The following UNC13B variants were observed in gnomAD, a reference collection of about 807,000 sequenced individuals.
UNC13B encodes the protein unc-13 homolog B, also known as protein unc-13 homolog B.
UNC13B carries 144 observed loss-of-function variants against 211.0 expected under a neutral mutation model. That is an observed-to-expected ratio of 0.68 (90% CI 0.60 to 0.78). UNC13B has a LOEUF of 0.78. Among genes scored for constraint, UNC13B ranks in the 30% least tolerant of loss-of-function variants. The pLI is 0.00. For synonymous variants in UNC13B, 709 were observed against 725.8 expected (o/e 0.98, Z 0.37); for missense variants, 1,777 against 2,002.0 (o/e 0.89, Z 2.14).
chr9:35,403,298 A>G, intron 38 of UNC13B, 39 bp downstream of exon 38: 1 of 1,609,568 alleles, frequency 6.2e-7, no homozygotes, highest in Non-Finnish European at 8.5e-7. Context: ...TTCCTTGCCC[A>G]GTGGCCTCAC....
At chr9:35,185,346 T>C (rs991517654) in intron 1 of UNC13B, among the ~76,000 whole-genome samples, 2 of 152,226 alleles carry the variant, frequency 1.3e-5, no homozygotes, top group Non-Finnish European at 2.9e-5. Context: ...TCCTGCTTCC[T>C]CCTAGAGTAT....
chr9:35,348,443 C>T (rs1564154364), intron 11 of UNC13B, among the ~76,000 whole-genome samples: 1 of 152,190 alleles, frequency 6.6e-6, no homozygotes, highest in Non-Finnish European at 1.5e-5. Context: ...AAAAAGAAAA[C>T]TTCTAGGAGA....
At chr9:35,206,839 A>G (rs1237273557) in intron 1 of UNC13B, among the ~76,000 whole-genome samples, 1 of 145,750 alleles carries the variant, frequency 6.9e-6, no homozygotes, top group Non-Finnish European at 1.5e-5. Flanking sequence ...GCGCCACTGC[A>G]CTCCAGCCTG....
intron 11 of UNC13B, among the ~76,000 whole-genome samples, chr9:35,328,145 C>T (rs142370524): frequency 2.0e-4 from 30 of 152,192 alleles, no homozygotes; most frequent in African/African-American, 6.7e-4. Flanking sequence ...CTCAGCCTCC[C>T]GAGTAGCTGG....
intron 1 of UNC13B, among the ~76,000 whole-genome samples, chr9:35,193,657 CAAAAAAA>C (rs748105027): frequency 5.3e-5 from 3 of 56,184 alleles, no homozygotes; most frequent in Non-Finnish European, 8.2e-5. Context: ...GACTCCGTCT[CAAAAAAA>C]AAAAAAAAAA....
At chr9:35,382,604 C>T (rs1249800863) in intron 21 of UNC13B, 97 bp downstream of exon 21, 28 of 1,437,442 alleles carry the variant, frequency 1.9e-5, no homozygotes. Context: ...GCTCTGTTGC[C>T]CAGGCTGGAG....
intron 11 of UNC13B, among the ~76,000 whole-genome samples, chr9:35,348,431 T>C (rs1832506580): frequency 6.6e-6 from 1 of 152,184 alleles, no homozygotes; most frequent in African/African-American, 2.4e-5. Context: ...TCTCCTTACC[T>C]TAAAAAGAAA....
rs1354252316 is a variant in UNC13B at position 35,302,130 on chromosome 9, TAACCACTG to T, written c.2728_2735del (p.Thr910Ter). ...GACCAGAGTTTACGTGGCTCAGCAG[TAACCACTG>T]ATGAGGAGAGCAAAAAAAATTGCCA... On this transcript the variant is annotated frameshift_variant, in exon 9 of 40. Coordinates refer to ENST00000635942, the MANE Select transcript of UNC13B (RefSeq NM_001371189.2). LOFTEE classifies it high-confidence loss of function. The T allele has an allele frequency of 7.5e-6, 3 of 398,616 alleles. No individual in the cohort carries two copies. Among genetic ancestry groups the T allele is most frequent in the Admixed American group, 4.4e-5 (1 of 22,696 alleles). The allele number at this position is 398,616 out of a possible 1,614,324, so 24.7% of individuals were successfully genotyped here.
At chr9:35,331,089 C>T (rs1831342265) in intron 11 of UNC13B, among the ~76,000 whole-genome samples, 1 of 152,174 alleles carries the variant, frequency 6.6e-6, no homozygotes, top group Admixed American at 6.5e-5. Flanking sequence ...TCACTCTTTA[C>T]CACCACCTTC....
intron 7 of UNC13B, among the ~76,000 whole-genome samples, chr9:35,285,587 C>T (rs1477660349): frequency 1.3e-5 from 2 of 152,130 alleles, no homozygotes; most frequent in African/African-American, 2.4e-5. Context: ...TGTGATGGCA[C>T]GTGCCTGTAG....
chr9:35,164,080 G>A (rs200945167), intron 1 of UNC13B, among the ~76,000 whole-genome samples: 2 of 152,040 alleles, frequency 1.3e-5, no homozygotes, highest in East Asian at 3.9e-4. Context: ...GCAGTGCTGC[G>A]ATCTTGGCTC....
In UNC13B at chr9:35,382,474, T is replaced by A. The variant is rs749140619; in HGVS notation, c.10773T>A (p.Ser3591=). Residue 3591 remains serine (S), a synonymous_variant, in exon 21 of 40, where the codon TCT becomes TCA. Coordinates refer to ENST00000635942, the MANE Select transcript of UNC13B (RefSeq NM_001371189.2). ...ACACAACTGCCTCTACCAATGTCTC[T>A]GCATCTGATCGCTTTGCAGCCTCCA... ...YAHTTASTNV[S]ASDRFAASNF... is the part of the protein sequence containing the mutation. 1.2e-6 allele frequency: 2 copies of A among 1,614,120 alleles called. No individual in the cohort carries two copies. Among genetic ancestry groups the A allele is most frequent in the Non-Finnish European group, 1.7e-6 (2 of 1,180,024 alleles).
At chr9:35,272,555 G>A (rs1827954682) in intron 7 of UNC13B, among the ~76,000 whole-genome samples, 3 of 152,048 alleles carry the variant, frequency 2.0e-5, no homozygotes, top group African/African-American at 4.8e-5. Context: ...ACCACGCCCG[G>A]CCTGTTTTAT....
At position 35,382,388 on chromosome 9, in the gene UNC13B, T is replaced by A; in HGVS notation, c.10687T>A (p.Cys3563Ser). ...HFACLSSKYM[C>S]PGVPAVMSTL... Reference sequence around the variant, plus strand: ...TGCATGTTTATCATCCAAGTACATGTGTCCTGGTGTGCCAGCAGTGATGAG... The same window carrying A: ...TGCATGTTTATCATCCAAGTACATGAGTCCTGGTGTGCCAGCAGTGATGAG... Residue 3563 changes from cysteine to serine, a missense_variant, in exon 21 of 40, where the codon TGT (cysteine) becomes AGT (serine). By Grantham distance (112) the Cys-to-Ser change is moderately radical (BLOSUM62 -1). Coordinates refer to ENST00000635942, the MANE Select transcript of UNC13B (RefSeq NM_001371189.2). 6.2e-7 allele frequency: 1 copy of A among 1,613,932 alleles called. No individual in the cohort carries two copies. The highest frequency in any genetic ancestry group is 1.1e-5 in the South Asian group (1 of 91,004).
intron 11 of UNC13B, among the ~76,000 whole-genome samples, chr9:35,366,716 G>A (rs1833793393): frequency 6.6e-6 from 1 of 152,132 alleles, no homozygotes; most frequent in African/African-American, 2.4e-5. Context: ...TGCAAACTCA[G>A]TGAGCTTTGC....
rs576540530 is a variant in UNC13B, at chr9:35,396,955, G to C, written c.11532+18G>C. ...AGGATGGAGTAAGTCAGGGGCTTTGGCTGCACCGGGTTCAGGCCAGGTCTC... is the reference window on the plus strand; with the variant it reads ...AGGATGGAGTAAGTCAGGGGCTTTGCCTGCACCGGGTTCAGGCCAGGTCTC... On this transcript the variant is annotated intron_variant, in intron 28 of 39. Coordinates refer to ENST00000635942, the MANE Select transcript of UNC13B (RefSeq NM_001371189.2). The C allele has an allele frequency of 2.1e-4, 342 of 1,613,904 alleles. No homozygotes were observed. The highest frequency in any genetic ancestry group is 2.8e-4 in the Non-Finnish European group (333 of 1,179,794).
chr9:35,243,382 T>C lies in UNC13B; in HGVS notation c.468+18T>C. On this transcript the variant is annotated intron_variant, in intron 6 of 39. Transcript: ENST00000635942. ...ACAATGAGGTAGGAGCAGCCTTATT[T>C]GCAGTATAGAGAGATGGGGGAAAAT... is the stretch of plus-strand genomic sequence containing the variant. The C allele has an allele frequency of 6.2e-7, 1 of 1,613,202 alleles. No homozygotes were observed. Among genetic ancestry groups the C allele is most frequent in the South Asian group, 1.1e-5 (1 of 91,010 alleles).
chr9:35,162,650 C>T (rs1350154630), intron 1 of UNC13B, among the ~76,000 whole-genome samples: 1 of 152,134 alleles, frequency 6.6e-6, no homozygotes, highest in Non-Finnish European at 1.5e-5. Flanking sequence ...GGCAGCCTCT[C>T]ATTCTTTTCC....
intron 11 of UNC13B, among the ~76,000 whole-genome samples, chr9:35,355,623 A>G (rs1587686516): frequency 6.6e-6 from 1 of 152,226 alleles, no homozygotes; most frequent in Non-Finnish European, 1.5e-5. Flanking sequence ...TAATACATTC[A>G]TATATACATG....
Sources: allele counts gnomAD v4.1 joint callset (sites outside exome capture counted in the v4.1 genomes callset), GRCh38; gene constraint gnomAD v4.1.1; transcripts MANE v1.5; gene names NCBI Gene and HGNC (gene_info 2026-07-23, HGNC 2026-07-21).